The following SEZ6L variants were observed in gnomAD, a reference collection of about 807,000 sequenced individuals.
SEZ6L encodes the protein seizure related 6 homolog like, also known as seizure 6-like protein.
In SEZ6L, 37 loss-of-function variants were observed where a neutral mutation model predicts 106.2. That is an observed-to-expected ratio of 0.35 (90% confidence interval 0.27 to 0.46). The LOEUF is 0.46. Among genes scored for constraint, SEZ6L ranks in the 20% least tolerant of loss-of-function variants. SEZ6L has a pLI of 1.00. For synonymous variants in SEZ6L, 541 were observed against 570.4 expected (o/e 0.95, Z 0.73); for missense variants, 1,172 against 1,332.8 (o/e 0.88, Z 1.88).
chr22:26,260,173 G>A (rs942817594), intron 1 of SEZ6L, among the ~76,000 whole-genome samples: 4 of 152,092 alleles, frequency 2.6e-5, no homozygotes, highest in African/African-American at 9.7e-5. Context: ...TGGGAGAACA[G>A]GTGGTATTTG....
intron 1 of SEZ6L, among the ~76,000 whole-genome samples, chr22:26,233,243 C>T (rs911186117): frequency 6.6e-6 from 1 of 152,242 alleles, no homozygotes; most frequent in East Asian, 1.9e-4. Context: ...GTGCTGCTTC[C>T]TCAGGGACAT....
At chr22:26,184,575 A>G (rs1413029297) in intron 1 of SEZ6L, among the ~76,000 whole-genome samples, 1 of 152,226 alleles carries the variant, frequency 6.6e-6, no homozygotes, top group Non-Finnish European at 1.5e-5. Context: ...ACAAAAACTA[A>G]TAGTGCCAGC....
chr22:26,178,266 G>A (rs1021313445), intron 1 of SEZ6L, among the ~76,000 whole-genome samples: 3 of 152,168 alleles, frequency 2.0e-5, no homozygotes, highest in Admixed American at 1.3e-4. Flanking sequence ...AGCTTGCACC[G>A]GGGAATGGTG....
intron 1 of SEZ6L, among the ~76,000 whole-genome samples, chr22:26,257,096 G>T (rs2079847608): frequency 6.6e-6 from 1 of 152,156 alleles, no homozygotes; most frequent in Admixed American, 6.5e-5. Context: ...CAGGTGGGGT[G>T]GGGTTACTGC....
In SEZ6L at chr22:26,294,954, T is replaced by G. The variant is rs544833598; in HGVS notation, c.969+529T>G. Among the ~76,000 whole-genome samples, 292 of 148,566 alleles carry G rather than the reference T, an allele frequency of 2.0e-3. 5 individuals are homozygous for G. The highest frequency in any genetic ancestry group is 7.1e-3 in the African/African-American group (275 of 38,672). On this transcript the variant is annotated intron_variant, in intron 3 of 16. Coordinates refer to ENST00000248933, the MANE Select transcript of SEZ6L (RefSeq NM_021115.5). ...CTTTCTCTTTCTTTCTTTCTTTCTTTCTTTCTTGCTTGCTTGCTTGCTTTC... is the reference window on the plus strand; with the variant it reads ...CTTTCTCTTTCTTTCTTTCTTTCTTGCTTTCTTGCTTGCTTGCTTGCTTTC...
chr22:26,317,180 T>C (rs1042148303), intron 9 of SEZ6L, among the ~76,000 whole-genome samples: 6 of 152,178 alleles, frequency 3.9e-5, no homozygotes, highest in Non-Finnish European at 8.8e-5. Flanking sequence ...AAGCTTCACA[T>C]AGAAAACTTT....
At chr22:26,286,156 A>T (rs2080927647) in intron 1 of SEZ6L, among the ~76,000 whole-genome samples, 1 of 152,228 alleles carries the variant, frequency 6.6e-6, no homozygotes, top group African/African-American at 2.4e-5. Context: ...TTCACCTGTC[A>T]GTCCTGCGTC....
chr22:26,227,542 G>A (rs187653243), intron 1 of SEZ6L, among the ~76,000 whole-genome samples: 14 of 152,068 alleles, frequency 9.2e-5, no homozygotes, highest in African/African-American at 2.7e-4. Context: ...TGAGTAGCTG[G>A]GGGGCTACAG....
At chr22:26,191,857 G>A (rs992986628) in intron 1 of SEZ6L, among the ~76,000 whole-genome samples, 1 of 152,102 alleles carries the variant, frequency 6.6e-6, no homozygotes, top group African/African-American at 2.4e-5. Context: ...GGCCTCACAG[G>A]ACACTTCCAG....
At chr22:26,369,830 T>C (rs2083964549) in intron 13 of SEZ6L, among the ~76,000 whole-genome samples, 2 of 151,526 alleles carry the variant, frequency 1.3e-5, no homozygotes, top group African/African-American at 4.9e-5. Flanking sequence ...TTGCCCAAGC[T>C]GGTCTTGAAC....
chr22:26,244,283 C>T (rs897484086), intron 1 of SEZ6L: 16 of 152,206 alleles, frequency 1.1e-4, no homozygotes, highest in African/African-American at 3.6e-4. Flanking sequence ...TTGAGAAGCC[C>T]TGAAATCATG....
chr22:26,349,339 A>G (rs1417254604), intron 11 of SEZ6L, among the ~76,000 whole-genome samples: 1 of 152,226 alleles, frequency 6.6e-6, no homozygotes, highest in Non-Finnish European at 1.5e-5. Flanking sequence ...ATATATAGCC[A>G]TATCTTAAAA....
At chr22:26,231,141 A>G (rs1359257652) in intron 1 of SEZ6L, among the ~76,000 whole-genome samples, 1 of 152,232 alleles carries the variant, frequency 6.6e-6, no homozygotes, top group Non-Finnish European at 1.5e-5. Flanking sequence ...ACCCCATAAT[A>G]GTGTGCCCAG....
chr22:26,345,923 G>A (rs1342003162), intron 10 of SEZ6L, among the ~76,000 whole-genome samples: 5 of 152,170 alleles, frequency 3.3e-5, no homozygotes, highest in African/African-American at 1.2e-4. Context: ...GTAATAAGCT[G>A]TGGGTAGCAT....
intron 9 of SEZ6L, among the ~76,000 whole-genome samples, chr22:26,330,739 C>T (rs1467238808): frequency 2.1e-5 from 3 of 142,942 alleles, no homozygotes; most frequent in South Asian, 2.1e-4. Flanking sequence ...TTTGTGTTAC[C>T]GTTTTTGTTT....
At chr22:26,297,366 A>G (rs2081331140) in intron 4 of SEZ6L, among the ~76,000 whole-genome samples, 1 of 152,174 alleles carries the variant, frequency 6.6e-6, no homozygotes, top group Non-Finnish European at 1.5e-5. Context: ...AGTTCTTATA[A>G]TTGCTGACAT....
At chr22:26,334,953 C>T (rs1334796655) in intron 9 of SEZ6L, among the ~76,000 whole-genome samples, 2 of 152,152 alleles carry the variant, frequency 1.3e-5, no homozygotes, top group South Asian at 2.1e-4. Flanking sequence ...ACTGCCATCC[C>T]GTTTTCCTAG....
intron 12 of SEZ6L, among the ~76,000 whole-genome samples, chr22:26,360,228 C>T (rs1046185196): frequency 6.6e-6 from 1 of 152,158 alleles, no homozygotes; most frequent in African/African-American, 2.4e-5. Context: ...CAAGGCCATT[C>T]TAGCACTTAG....
Position 26,265,478 on chromosome 22 carries a change from GT to G in SEZ6L, c.95-26924del, listed in dbSNP as rs1281932101. On this transcript the variant is annotated intron_variant, in intron 1 of 16. Transcript: ENST00000248933. ...CATGCCATTAAATATTCTGGTCTGTGTTTTAATTGAGACGATTACATATTCC... is the reference window on the plus strand; with the variant it reads ...CATGCCATTAAATATTCTGGTCTGTGTTTAATTGAGACGATTACATATTCC... 5.3e-5 allele frequency among the ~76,000 whole-genome samples: 8 copies of G among 152,294 alleles called. No homozygotes were observed. In the East Asian group the frequency reaches 1.5e-3, roughly 29 times the overall value.
Sources: gnomAD v4.1 joint callset for allele counts (sites outside exome capture counted in the v4.1 genomes callset) on GRCh38, gnomAD v4.1.1 for gene constraint, MANE v1.5 for transcripts, NCBI Gene and HGNC (gene_info 2026-07-23, HGNC 2026-07-21) for gene names.